The following CLEC2D variants were observed in gnomAD, a reference collection of about 807,000 sequenced individuals.
CLEC2D encodes C-type lectin related f.
CLEC2D carries 16 observed loss-of-function variants against 20.0 expected under a neutral mutation model. That is an observed-to-expected ratio of 0.80 (90% confidence interval 0.54 to 1.22). CLEC2D has a LOEUF of 1.22. Ranked by LOEUF, CLEC2D falls within the 50% of genes most tolerant of loss-of-function variation. CLEC2D has a pLI of 0.00. For synonymous variants in CLEC2D, 77 were observed against 71.1 expected, an observed-to-expected ratio of 1.08 and a Z score of -0.42; for missense variants, 207 against 221.5, an observed-to-expected ratio of 0.93 and a Z score of 0.42.
In CLEC2D at chr12:9,699,540, C is replaced by CA. The variant is rs1866077803; in HGVS notation, c.*4667dup. On this transcript the variant is annotated 3_prime_UTR_variant, in exon 5 of 5. Coordinates refer to ENST00000290855, the MANE Select transcript of CLEC2D (RefSeq NM_013269.6). ...AATTCTGAATAAACACTTTGAAAGG[C>CA]AGTGAACTGTAAATATATTACAGCT... 1 of 152,106 alleles carries CA rather than the reference C, an allele frequency of 6.6e-6. No homozygotes were observed. Among genetic ancestry groups the CA allele is most frequent in the Non-Finnish European group, 1.5e-5 (1 of 68,008 alleles). 9.4% of individuals were successfully genotyped at this position (152,106 alleles called of 1,614,324 possible).
chr12:9,673,378 T>C (rs1425679717), intron 1 of CLEC2D, among the ~76,000 whole-genome samples: 3 of 152,244 alleles, frequency 2.0e-5, no homozygotes. Context: ...TTCACGTGGG[T>C]ATCACCAGTG....
intron 3 of CLEC2D, among the ~76,000 whole-genome samples, chr12:9,691,698 T>G (rs1865866612): frequency 6.6e-6 from 1 of 152,138 alleles, no homozygotes; most frequent in African/African-American, 2.4e-5. Context: ...AGAAAATACC[T>G]TGAGACAAAT....
intron 2 of CLEC2D, among the ~76,000 whole-genome samples, chr12:9,684,836 A>G (rs1260379499): frequency 1.3e-5 from 2 of 152,050 alleles, no homozygotes; most frequent in African/African-American, 2.4e-5. Context: ...TTGGCCTGAA[A>G]TTTTCTTTTT....
chr12:9,690,848 C>T (rs758833686), intron 3 of CLEC2D, among the ~76,000 whole-genome samples: 1 of 151,982 alleles, frequency 6.6e-6, no homozygotes, highest in East Asian at 1.9e-4. Flanking sequence ...GAAACAAAGA[C>T]ATATAAGATA....
intron 1 of CLEC2D, among the ~76,000 whole-genome samples, chr12:9,679,180 A>G (rs998687119): frequency 6.6e-6 from 1 of 152,150 alleles, no homozygotes; most frequent in African/African-American, 2.4e-5. Context: ...ATATATTGCT[A>G]CTATTGTTAT....
At chr12:9,687,875 T>G (rs1865781679) in intron 2 of CLEC2D, 27 bp from the exon 3 acceptor site, 1 of 1,391,176 alleles carries the variant, frequency 7.2e-7, no homozygotes, top group Non-Finnish European at 9.5e-7. Flanking sequence ...GAAATTTTTA[T>G]TTTATTTATT....
chr12:9,690,344 G>A (rs1865837343), intron 3 of CLEC2D, among the ~76,000 whole-genome samples: 1 of 152,042 alleles, frequency 6.6e-6, no homozygotes, highest in South Asian at 2.1e-4. Flanking sequence ...CAGTAGACAT[G>A]TGCTACAGAA....
At chr12:9,677,140 C>G (rs1049526885) in intron 1 of CLEC2D, among the ~76,000 whole-genome samples, 3 of 149,594 alleles carry the variant, frequency 2.0e-5, no homozygotes, top group Non-Finnish European at 4.5e-5. Flanking sequence ...TATTTCTTTT[C>G]TTCTGTTTAA....
chr12:9,695,824 G>A lies in CLEC2D; in HGVS notation c.*950G>A. The stretch of plus-strand genomic sequence containing the variant: ...TGGAAAGCAGTCTGCCCCTGGAGGT[G>A]GGCAGAAAAAAGTAAAACTTGCTGC... On this transcript the variant is annotated 3_prime_UTR_variant, in exon 5 of 5. Coordinates refer to ENST00000290855, the MANE Select transcript of CLEC2D (RefSeq NM_013269.6). 1 of 1,203,348 alleles carries A rather than the reference G, an allele frequency of 8.3e-7. No individual in the cohort carries two copies. Among genetic ancestry groups the A allele is most frequent in the South Asian group, 1.2e-5 (1 of 82,828 alleles). 74.5% of individuals were successfully genotyped at this position (1,203,348 alleles called of 1,614,324 possible). A position where few individuals can be genotyped will look rare whatever the true frequency, so the allele number is the denominator to read the frequency against.
chr12:9,687,658 A>G (rs1865777525), intron 2 of CLEC2D, among the ~76,000 whole-genome samples: 4 of 152,212 alleles, frequency 2.6e-5, no homozygotes, highest in Admixed American at 2.6e-4. Context: ...GAGCAAGCTT[A>G]AGTTACTAAT....
intron 1 of CLEC2D, 62 bp from the exon 2 acceptor site, chr12:9,680,861 T>A (rs1327424141): frequency 1.2e-6 from 1 of 803,584 alleles, no homozygotes; most frequent in East Asian, 2.5e-5. Context: ...TGATGCTTAA[T>A]GTTTCTGGCA....
chr12:9,676,846 A>T (rs1465347355), intron 1 of CLEC2D, among the ~76,000 whole-genome samples: 1 of 152,148 alleles, frequency 6.6e-6, no homozygotes, highest in Non-Finnish European at 1.5e-5. Flanking sequence ...AAATGTAAAC[A>T]TATTTAGGTC....
chr12:9,694,177 C>T (rs754383747), intron 4 of CLEC2D, among the ~76,000 whole-genome samples: 3 of 151,894 alleles, frequency 2.0e-5, no homozygotes, highest in Non-Finnish European at 4.4e-5. Context: ...CTGCTCATCA[C>T]TTAAAGAAAT....
chr12:9,686,291 A>G (rs1406229473), intron 2 of CLEC2D, among the ~76,000 whole-genome samples: 1 of 151,854 alleles, frequency 6.6e-6, no homozygotes, highest in Non-Finnish European at 1.5e-5. Context: ...GCTGTTTCTA[A>G]TCAGCCATCT....
Position 9,678,905 on chromosome 12 carries a change from C to G in CLEC2D, c.62-2018C>G, listed in dbSNP as rs560848814. On this transcript the variant is annotated intron_variant, in intron 1 of 4. Transcript: ENST00000290855. ...TAGCATTTATAAAGTTCCATATTTT[C>G]TCATTCTTAGTATATCAATTATACT... Among the ~76,000 whole-genome samples, 58 of 152,250 alleles carry G rather than the reference C, an allele frequency of 3.8e-4. No individual in the cohort carries two copies. The South Asian group carries it at 6.4e-3, about 17-fold the overall frequency.
At chr12:9,691,772 A>G (rs12578928) in intron 3 of CLEC2D, among the ~76,000 whole-genome samples, 9,129 of 152,290 alleles carry the variant, frequency 0.06, 320 homozygotes, top group Non-Finnish European at 0.084. Context: ...AGGGAAATTT[A>G]TAGCTGTGAG....
intron 2 of CLEC2D, among the ~76,000 whole-genome samples, chr12:9,683,286 A>G (rs1865675383): frequency 7.2e-6 from 1 of 138,412 alleles, no homozygotes; most frequent in African/African-American, 2.8e-5. Context: ...TTTGTCTCCC[A>G]TTCTGTAGGT....
At chr12:9,678,276 T>A (rs1388640179) in intron 1 of CLEC2D, among the ~76,000 whole-genome samples, 1 of 152,182 alleles carries the variant, frequency 6.6e-6, no homozygotes, top group African/African-American at 2.4e-5. Flanking sequence ...GTTTGAAATT[T>A]GTATAGCTTC....
At chr12:9,688,168 T>G in intron 3 of CLEC2D, 82 bp downstream of exon 3, 1 of 1,378,244 alleles carries the variant, frequency 7.3e-7, no homozygotes, top group African/African-American at 1.6e-5. Flanking sequence ...AGAGGTAGGT[T>G]TAGACATCTG....
Sources: gnomAD v4.1 joint callset for allele counts (sites outside exome capture counted in the v4.1 genomes callset) on GRCh38, gnomAD v4.1.1 for gene constraint, MANE v1.5 for transcripts, NCBI Gene and HGNC (gene_info 2026-07-23, HGNC 2026-07-21) for gene names.